Variants in PDE4D observed in about 807,000 individuals in gnomAD.
The protein encoded by PDE4D is 3',5'-cyclic-AMP phosphodiesterase 4D.
A neutral mutation model predicts 87.4 loss-of-function variants in PDE4D; 24 were observed. That is an observed-to-expected ratio of 0.27 (90% CI 0.20 to 0.39). The LOEUF is 0.39. Ranked by LOEUF, PDE4D falls within the 10% of genes least tolerant of loss-of-function variation. The pLI is 1.00. For synonymous variants in PDE4D, 384 were observed against 383.2 expected (o/e 1.00, Z -0.02); for missense variants, 714 against 1,041.0 (o/e 0.69, Z 4.32).
intron 5 of PDE4D, among the ~76,000 whole-genome samples, chr5:59,082,846 T>A (rs1767018589): frequency 6.6e-6 from 1 of 152,118 alleles, no homozygotes; most frequent in Admixed American, 6.6e-5. Flanking sequence ...CTTGAAAGCA[T>A]TTTTCCTGGA....
intron 1 of PDE4D, among the ~76,000 whole-genome samples, chr5:60,413,720 T>A (rs1359205040): frequency 1.3e-5 from 2 of 151,822 alleles, no homozygotes; most frequent in Non-Finnish European, 2.9e-5. Flanking sequence ...CGTTTATTTT[T>A]TTTTTTTTTG....
rs377448737 is a variant in PDE4D, at chr5:59,090,555, A to G, written c.809-51584T>C. On this transcript the variant is annotated intron_variant, in intron 5 of 14. Coordinates refer to ENST00000340635, the MANE Select transcript of PDE4D (RefSeq NM_001104631.2). ...ATAAATCATACACAGACATACTGGC[A>G]TGAGAAACGCTATCATCATCTCTTT... Among the ~76,000 whole-genome samples the G allele has an allele frequency of 2.0e-5, 3 of 152,154 alleles. No homozygotes were observed. In the East Asian group the frequency reaches 5.8e-4, roughly 29 times the overall value.
At chr5:59,275,731 GAA>G in intron 1 of PDE4D, 3 of 1,037,586 alleles carry the variant, frequency 2.9e-6, no homozygotes, top group Non-Finnish European at 3.5e-6. Context: ...CCAGCATAGT[GAA>G]AGAGTCACTT....
intron 1 of PDE4D, among the ~76,000 whole-genome samples, chr5:59,726,391 G>A (rs111751000): frequency 2.0e-5 from 3 of 152,024 alleles, no homozygotes; most frequent in Non-Finnish European, 2.9e-5. Flanking sequence ...ATAGTATTCG[G>A]AGATGGGTCT....
intron 2 of PDE4D, among the ~76,000 whole-genome samples, chr5:60,143,216 T>C (rs1428697336): frequency 6.6e-6 from 1 of 152,236 alleles, no homozygotes; most frequent in Non-Finnish European, 1.5e-5. Flanking sequence ...CATAAACCTT[T>C]GTAAAATCTG....
rs200029701 is a variant in PDE4D at position 59,561,248 on chromosome 5, TG to T, written c.455+331919del. 8.5e-3 allele frequency among the ~76,000 whole-genome samples: 1,292 copies of T among 152,306 alleles called. 11 individuals are homozygous for T. The highest frequency in any genetic ancestry group is 0.019 in the African/African-American group (780 of 41,576). On this transcript the variant is annotated intron_variant, in intron 1 of 14. Transcript: ENST00000340635. ...GGCAATCACATGGAGACTGCTGGCCTGCGGGGTTCTCAGATCCACAGTGGGG... is the reference window on the plus strand; with the variant it reads ...GGCAATCACATGGAGACTGCTGGCCTCGGGGTTCTCAGATCCACAGTGGGG...
intron 1 of PDE4D, among the ~76,000 whole-genome samples, chr5:60,362,248 T>A (rs542184452): frequency 6.6e-6 from 1 of 152,322 alleles, no homozygotes; most frequent in South Asian, 2.1e-4. Context: ...CATGGACTGG[T>A]GTTGATGAAA....
At chr5:58,982,959 A>ATTTCT (rs1745575092) in intron 11 of PDE4D, among the ~76,000 whole-genome samples, 1 of 152,060 alleles carries the variant, frequency 6.6e-6, no homozygotes, top group Non-Finnish European at 1.5e-5. Flanking sequence ...TCTTCCCCAA[A>ATTTCT]TTTCTTTCTC....
At chr5:60,283,715 A>T (rs1313626084) in intron 1 of PDE4D, among the ~76,000 whole-genome samples, 1 of 152,180 alleles carries the variant, frequency 6.6e-6, no homozygotes, top group Non-Finnish European at 1.5e-5. Context: ...ACATAAAAAA[A>T]TTGAGTTGAT....
chr5:59,006,642 G>A (rs1751681475), intron 6 of PDE4D, among the ~76,000 whole-genome samples: 1 of 151,956 alleles, frequency 6.6e-6, no homozygotes, highest in South Asian at 2.1e-4. Context: ...ACTTTTCCTA[G>A]AAATACCCCT....
rs563035538 is a variant in PDE4D at position 60,422,855 on chromosome 5, C to T, written c.-90+65087G>A. Among the ~76,000 whole-genome samples the T allele has an allele frequency of 3.7e-4, 56 of 152,180 alleles. 2 individuals are homozygous for T. In the South Asian group the frequency reaches 0.011, roughly 31 times the overall value. The stretch of plus-strand genomic sequence containing the variant: ...AAATAAAGGGATGTAAGAAGATCTA[C>T]CAAGCAAATGGAAAGCAAAAAGAAG... On this transcript the variant is annotated intron_variant, in intron 1 of 16. Transcript: ENST00000502484.
At chr5:59,270,119 G>A (rs1439887726) in intron 1 of PDE4D, among the ~76,000 whole-genome samples, 1 of 152,024 alleles carries the variant, frequency 6.6e-6, no homozygotes, top group Non-Finnish European at 1.5e-5. Flanking sequence ...ATATTTCAAG[G>A]TATCTTAATC....
chr5:59,015,184 A>G (rs1363894251), intron 6 of PDE4D, among the ~76,000 whole-genome samples: 4 of 152,198 alleles, frequency 2.6e-5, no homozygotes, highest in African/African-American at 4.8e-5. Flanking sequence ...AAGAAAACCT[A>G]AGCAATACCA....
intron 1 of PDE4D, among the ~76,000 whole-genome samples, chr5:59,780,498 T>G (rs1764509787): frequency 6.6e-6 from 1 of 152,242 alleles, no homozygotes; most frequent in African/African-American, 2.4e-5. Flanking sequence ...ATTAACTTTC[T>G]TTTTCGGTAA....
chr5:59,746,043 T>A (rs568318283), intron 1 of PDE4D, among the ~76,000 whole-genome samples: 1 of 152,274 alleles, frequency 6.6e-6, no homozygotes, highest in East Asian at 1.9e-4. Flanking sequence ...AAAAGCAATA[T>A]CATTGTGATA....
rs953014706 is a variant in PDE4D at position 60,208,178 on chromosome 5, T to C, written c.-89-22491A>G. Among the ~76,000 whole-genome samples, 5 of 152,200 alleles carry C rather than the reference T, an allele frequency of 3.3e-5. No homozygotes were observed. The South Asian group carries it at 6.2e-4, about 19-fold the overall frequency. ...GTAAAATGTGTAAGTGATTAGTGAG[T>C]AAAATACATTCTGTGAGATGGTGAT... On this transcript the variant is annotated intron_variant, in intron 1 of 16. Coordinates refer to the PDE4D transcript ENST00000502484.
intron 1 of PDE4D, among the ~76,000 whole-genome samples, chr5:59,892,896 C>CCACACACACACACA (rs70975348): frequency 6.9e-6 from 1 of 143,886 alleles, no homozygotes; most frequent in East Asian, 2.1e-4. Flanking sequence ...AGCGCGCGCA[C>CCACACACACACACA]CACACACACA....
intron 1 of PDE4D, among the ~76,000 whole-genome samples, chr5:59,303,318 T>C (rs1419226227): frequency 1.2e-4 from 18 of 152,080 alleles, no homozygotes; most frequent in Admixed American, 1.2e-3. Flanking sequence ...ATTGTGAAGA[T>C]TTTTCTCCCA....
chr5:60,305,846 T>G (rs1000101950), intron 1 of PDE4D, among the ~76,000 whole-genome samples: 1 of 151,894 alleles, frequency 6.6e-6, no homozygotes, highest in African/African-American at 2.4e-5. Context: ...CACACACACA[T>G]AGTTATAACT....
Sources: allele counts gnomAD v4.1 joint callset (sites outside exome capture counted in the v4.1 genomes callset), GRCh38; gene constraint gnomAD v4.1.1; transcripts MANE v1.5; gene names NCBI Gene and HGNC (gene_info 2026-07-23, HGNC 2026-07-21).